Variants in TAF4 observed in about 807,000 individuals in gnomAD.
TAF4 encodes the protein TATA-box binding protein associated factor 4.
A neutral mutation model predicts 90.3 loss-of-function variants in TAF4; 9 were observed. The ratio of observed to expected loss-of-function variants is 0.10; its 90% CI spans 0.06 to 0.17. TAF4 has a LOEUF of 0.17. Ranked by LOEUF, TAF4 falls within the 10% of genes least tolerant of loss-of-function variation. TAF4 has a pLI of 1.00. For synonymous variants in TAF4, 818 were observed against 638.9 expected (o/e 1.28, Z -4.23); for missense variants, 1,351 against 1,370.7 (o/e 0.99, Z 0.23).
chr20:62,022,012 G>A (rs1051487678), intron 1 of TAF4, among the ~76,000 whole-genome samples: 3 of 151,980 alleles, frequency 2.0e-5, no homozygotes, highest in East Asian at 1.9e-4. Context: ...CATCAGAGGC[G>A]GAGCGGGCCC....
intron 9 of TAF4, 38 bp from the exon 10 acceptor site, chr20:62,000,759 G>T (rs1161814564): frequency 1.2e-6 from 2 of 1,608,854 alleles, no homozygotes; most frequent in East Asian, 2.2e-5. Flanking sequence ...AACTGTACAA[G>T]GAATTCATCG....
intron 1 of TAF4, among the ~76,000 whole-genome samples, chr20:62,055,160 A>G (rs1218634655): frequency 2.6e-5 from 4 of 151,136 alleles, no homozygotes; most frequent in Non-Finnish European, 5.9e-5. Flanking sequence ...CAGTCCTGCA[A>G]TACAATCGAT....
chr20:62,014,032 G>C (rs534860691), intron 2 of TAF4, among the ~76,000 whole-genome samples: 1 of 145,126 alleles, frequency 6.9e-6, no homozygotes, highest in African/African-American at 2.6e-5. Context: ...GTGTGTGTGT[G>C]TGTGTGTGTG....
chr20:61,998,995 C>T lies in TAF4; in HGVS notation c.2901G>A (p.Met967Ile). 2 of 1,613,764 alleles carry T rather than the reference C, an allele frequency of 1.2e-6. No individual in the cohort carries two copies. Among genetic ancestry groups the T allele is most frequent in the Non-Finnish European group, 1.7e-6 (2 of 1,180,038 alleles). Reference sequence around the variant, plus strand: ...ACCCAGCACTCGCCTTTGCTGCCCTCATCAGGATCTCCCGCTCCTGCTCAT... The same window carrying T: ...ACCCAGCACTCGCCTTTGCTGCCCTTATCAGGATCTCCCGCTCCTGCTCAT... ...RKDEQEREIL[M>I]RAAKSRSRQE... The change falls in exon 12 of 15, where the codon ATG becomes ATA. Residue 967 changes from methionine (M) to isoleucine (I), a missense_variant. Coordinates refer to ENST00000252996, the MANE Select transcript of TAF4 (RefSeq NM_003185.4).
chr20:62,017,195 C>T (rs73152418), intron 1 of TAF4, among the ~76,000 whole-genome samples: 21 of 152,012 alleles, frequency 1.4e-4, no homozygotes, highest in Non-Finnish European at 2.5e-4. Flanking sequence ...CAATAATGGA[C>T]GCAGACTTAA....
intron 1 of TAF4, among the ~76,000 whole-genome samples, chr20:62,033,448 A>G (rs185487098): frequency 9.2e-5 from 14 of 152,302 alleles, no homozygotes; most frequent in Middle Eastern, 3.4e-3. Flanking sequence ...AGAAAATAAG[A>G]AGTGGGAGCT....
Position 61,998,189 on chromosome 20 carries a change from G to A in TAF4, c.2917C>T (p.Arg973Trp), listed in dbSNP as rs1334630377. ...REILMRAAKSRSRQEDPEQLR... is the reference protein window; with the variant it reads ...REILMRAAKSWSRQEDPEQLR... ...TGTTCTGGATCTTCTTGTCTTGACC[G>A]AGACTATTTTTGAAAGAGGCAGAAA... The change falls in exon 13 of 15, where the codon CGG becomes TGG. Residue 973 changes from arginine (R) to tryptophan (W), a missense_variant. This residue lies in a region of TAF4 where 18 missense variants were observed against 60.0 expected (regional missense o/e 0.30). Coordinates refer to ENST00000252996, the MANE Select transcript of TAF4 (RefSeq NM_003185.4). 1.2e-6 allele frequency: 2 copies of A among 1,612,506 alleles called. No individual in the cohort carries two copies. Among genetic ancestry groups the A allele is most frequent in the South Asian group, 1.1e-5 (1 of 90,500 alleles).
At chr20:62,007,834 G>A (rs1781387467) in intron 5 of TAF4, 198 bp from the exon 6 acceptor site, 1 of 505,462 alleles carries the variant, frequency 2.0e-6, no homozygotes. Flanking sequence ...CTGCAGTGCA[G>A]CCAGCTGCGG....
chr20:62,036,038 A>ATTT (rs1568938533), intron 1 of TAF4, among the ~76,000 whole-genome samples: 19 of 150,010 alleles, frequency 1.3e-4, no homozygotes, highest in African/African-American at 3.2e-4. Flanking sequence ...TTTTTTTAAA[A>ATTT]AAAAAAAAGA....
At chr20:62,051,225 C>A (rs1288367973) in intron 1 of TAF4, among the ~76,000 whole-genome samples, 4 of 152,312 alleles carry the variant, frequency 2.6e-5, no homozygotes, top group African/African-American at 7.2e-5. Context: ...TGGGAGGGTT[C>A]CAGCGAGGCC....
Position 62,065,789 on chromosome 20 carries a change from G to A in TAF4, c.22C>T (p.Leu8=), listed in dbSNP as rs1191862944. 7.6e-6 allele frequency: 10 copies of A among 1,317,062 alleles called. No homozygotes were observed. In the Admixed American group the frequency reaches 1.3e-4, roughly 17 times the overall value. 81.6% of individuals were successfully genotyped at this position (1,317,062 alleles called of 1,614,324 possible). A position where few individuals can be genotyped will look rare whatever the true frequency, so the allele number is the denominator to read the frequency against. The change falls in exon 1 of 15, where the codon CTG becomes TTG. Residue 8 remains leucine (L), a synonymous_variant. Transcript: ENST00000252996. MAAGSDL[L]DEVFFNSEVD... ...TCGCTGTTGAAGAAGACCTCGTCCA[G>A]CAGATCCGAGCCCGCCGCCATCTTT...
intron 10 of TAF4, 79 bp from the exon 11 acceptor site, chr20:62,000,333 A>C: frequency 6.4e-7 from 1 of 1,555,670 alleles, no homozygotes. Context: ...CTGATCCAGC[A>C]GTTACTGCTT....
intron 1 of TAF4, among the ~76,000 whole-genome samples, chr20:62,021,825 A>G (rs1038514428): frequency 3.9e-5 from 6 of 152,082 alleles, no homozygotes; most frequent in African/African-American, 1.4e-4. Context: ...TTAAAGTTTT[A>G]CATTTTTAAA....
chr20:62,046,511 T>C (rs1027905805), intron 1 of TAF4, among the ~76,000 whole-genome samples: 1 of 152,250 alleles, frequency 6.6e-6, no homozygotes, highest in Non-Finnish European at 1.5e-5. Context: ...ATTCACTGTA[T>C]TGCTGCATGT....
intron 1 of TAF4, among the ~76,000 whole-genome samples, chr20:62,022,861 G>GCCC (rs5842371): frequency 1.3e-5 from 2 of 148,330 alleles, no homozygotes; most frequent in African/African-American, 4.9e-5. Flanking sequence ...AGCACTTGCA[G>GCCC]CCCCCCCCCC....
Position 62,065,732 on chromosome 20 carries a change from C to A in TAF4, c.79G>T (p.Gly27Cys). The A allele has an allele frequency of 7.5e-7, 1 of 1,331,912 alleles. No homozygotes were observed. The allele number at this position is 1,331,912 out of a possible 1,614,324, so 82.5% of individuals were successfully genotyped here. A position where few individuals can be genotyped will look rare whatever the true frequency, so the allele number is the denominator to read the frequency against. The change falls in exon 1 of 15, where the codon GGC becomes TGC. Residue 27 changes from glycine (G) to cysteine (C), a missense_variant. Coordinates refer to ENST00000252996, the MANE Select transcript of TAF4 (RefSeq NM_003185.4). ...GCCGCCAGCTGCGACTCCAGCGAGC[C>A]CACCAGGTCGCTCACCACTTTCTCG... ...VDEKVVSDLV[G>C]SLESQLAASA... is the part of the protein sequence containing the mutation.
chr20:61,999,544 G>A (rs2055685510), intron 11 of TAF4, among the ~76,000 whole-genome samples: 1 of 152,228 alleles, frequency 6.6e-6, no homozygotes, highest in African/African-American at 2.4e-5. Flanking sequence ...GACTGCTGGT[G>A]AGGAAGGCAC....
chr20:62,041,057 A>G (rs574355941), intron 1 of TAF4, among the ~76,000 whole-genome samples: 1 of 152,354 alleles, frequency 6.6e-6, no homozygotes, highest in South Asian at 2.1e-4. Context: ...CTGAGTAGGA[A>G]GCCGGACACC....
intron 1 of TAF4, among the ~76,000 whole-genome samples, chr20:62,050,596 G>A (rs1456922056): frequency 6.6e-6 from 1 of 151,000 alleles, no homozygotes. Flanking sequence ...CCAATAAAAA[G>A]AGAAGAGAAG....
Sources: gnomAD v4.1 joint callset for allele counts (sites outside exome capture counted in the v4.1 genomes callset) on GRCh38, gnomAD v4.1.1 for gene constraint, gnomAD v4.1.1 regional missense constraint, MANE v1.5 for transcripts, NCBI Gene and HGNC (gene_info 2026-07-23, HGNC 2026-07-21) for gene names.